Variants in TENM2 observed in about 807,000 individuals in gnomAD.
TENM2 encodes teneurin-2.
Under a neutral mutation model 245.2 loss-of-function variants are expected in TENM2, and 52 were observed. The observed-to-expected ratio is 0.21, with a 90% confidence interval of 0.17 to 0.27. The LOEUF (loss-of-function observed/expected upper bound fraction) is 0.27, where lower values mean the gene tolerates loss of function less well. TENM2 is among the 10% of genes least tolerant of loss of function. The probability of loss-of-function intolerance (pLI) is 1.00; values close to 1 mark genes in which losing one functional copy is unlikely to be tolerated. For missense variants in TENM2, 3,046 were observed against 3,666.8 expected (o/e 0.83, Z 4.37); for synonymous variants, 1,363 against 1,438.9 (o/e 0.95, Z 1.19).
intron 13 of TENM2, among the ~76,000 whole-genome samples, chr5:168,179,780 A>G (rs149555472): frequency 6.6e-6 from 1 of 152,222 alleles, no homozygotes; most frequent in African/African-American, 2.4e-5. Flanking sequence ...TCTCACCTGT[A>G]AATAATGATG....
At chr5:167,266,936 A>G in the TENM2 span, among the ~76,000 whole-genome samples, 1 of 152,168 alleles carries the variant, frequency 6.6e-6, no homozygotes, top group Non-Finnish European at 1.5e-5. Flanking sequence ...TGTGTGGGAC[A>G]CATGTCGTTC....
intron 9 of TENM2, among the ~76,000 whole-genome samples, chr5:168,107,745 CTT>C (rs1192320114): frequency 6.6e-6 from 1 of 152,206 alleles, no homozygotes; most frequent in Non-Finnish European, 1.5e-5. Context: ...GCTTCTTCCT[CTT>C]TGCTCAGGCT....
intron 25 of TENM2, among the ~76,000 whole-genome samples, chr5:168,241,477 G>A (rs574626241): frequency 1.3e-5 from 2 of 149,924 alleles, no homozygotes; most frequent in South Asian, 4.2e-4. Context: ...GGCCAGGCTG[G>A]TCTCAAACTC....
the TENM2 span, among the ~76,000 whole-genome samples, chr5:167,242,229 T>C: frequency 1.3e-5 from 2 of 151,986 alleles, no homozygotes; most frequent in African/African-American, 4.8e-5. Flanking sequence ...TTTGTATTTT[T>C]AGTAGAGATG....
the TENM2 span, among the ~76,000 whole-genome samples, chr5:167,262,890 G>T: frequency 1.3e-5 from 2 of 152,088 alleles, no homozygotes; most frequent in African/African-American, 2.4e-5. Flanking sequence ...AGTTCTAGGG[G>T]CTGAGAAGTC....
chr5:167,531,570 A>G (rs1166229919), intron 2 of TENM2, among the ~76,000 whole-genome samples: 2 of 151,958 alleles, frequency 1.3e-5, no homozygotes, highest in Admixed American at 6.6e-5. Flanking sequence ...CGTGCTGTAC[A>G]ATATATTTCC....
At chr5:167,084,336 T>TATAC in the TENM2 span, among the ~76,000 whole-genome samples, 1 of 75,338 alleles carries the variant, frequency 1.3e-5, no homozygotes, top group African/African-American at 5.8e-5. Flanking sequence ...GTTATATATA[T>TATAC]ATATATATAT....
intron 27 of TENM2, among the ~76,000 whole-genome samples, chr5:168,249,842 A>G (rs1464251039): frequency 1.3e-5 from 2 of 152,256 alleles, no homozygotes; most frequent in African/African-American, 4.8e-5. Context: ...CTGCGCACAG[A>G]GTGAGAACCC....
chr5:167,587,040 C>A (rs537811875), intron 2 of TENM2, among the ~76,000 whole-genome samples: 1 of 152,234 alleles, frequency 6.6e-6, no homozygotes, highest in African/African-American at 2.4e-5. Flanking sequence ...GCCTCTGAAT[C>A]CTATTACCAT....
intron 2 of TENM2, among the ~76,000 whole-genome samples, chr5:167,762,256 G>A (rs1762728272): frequency 6.6e-6 from 1 of 152,140 alleles, no homozygotes; most frequent in African/African-American, 2.4e-5. Context: ...GAGGACAAAA[G>A]ATCCCCTCCT....
intron 2 of TENM2, among the ~76,000 whole-genome samples, chr5:167,609,497 A>C (rs1777306127): frequency 7.1e-6 from 1 of 141,224 alleles, no homozygotes; most frequent in Non-Finnish European, 1.6e-5. Context: ...GCAAAAAAAA[A>C]AAAAAAAAAA....
the TENM2 span, among the ~76,000 whole-genome samples, chr5:167,020,980 C>T: frequency 6.6e-6 from 1 of 152,030 alleles, no homozygotes; most frequent in Non-Finnish European, 1.5e-5. Context: ...CCTGTCTCTA[C>T]TAAAATACAA....
chr5:168,015,432 C>T (rs1785573384), intron 5 of TENM2, among the ~76,000 whole-genome samples: 2 of 152,218 alleles, frequency 1.3e-5, no homozygotes, highest in South Asian at 4.1e-4. Context: ...AAACAATATG[C>T]TCTTTCCACA....
At chr5:168,120,360 T>C (rs1017197991) in intron 10 of TENM2, among the ~76,000 whole-genome samples, 25 of 152,188 alleles carry the variant, frequency 1.6e-4, no homozygotes, top group African/African-American at 6.0e-4. Flanking sequence ...TTCTTAAAGA[T>C]AAATGGATTG....
rs771985485 is a variant in TENM2 at position 168,247,327 on chromosome 5, G to A, written c.6388G>A (p.Gly2130Ser). The change falls in exon 27 of 29, where the codon GGT becomes AGT. Residue 2130 changes from glycine to serine, a missense_variant. Physicochemically the swap from Gly to Ser is moderately conservative, Grantham distance 56. Transcript: ENST00000518659. This position sits in a 1 kb window ranked among gnomAD's most constrained non-coding sequence, Gnocchi z 7.8. ...GATTTCTGGCAAGGTGGAACACTTT[G>A]GTAAGTTTGGAGTCATCTATTATGA... 3 of 1,613,944 alleles carry A rather than the reference G, an allele frequency of 1.9e-6. No individual in the cohort carries two copies. The highest frequency in any genetic ancestry group is 2.2e-5 in the South Asian group (2 of 91,080).
intron 19 of TENM2, among the ~76,000 whole-genome samples, chr5:168,210,023 C>T (rs1208101988): frequency 6.6e-6 from 1 of 152,170 alleles, no homozygotes; most frequent in Admixed American, 6.5e-5. Flanking sequence ...TGAAACACCA[C>T]TTTTTCCTCA....
intron 2 of TENM2, among the ~76,000 whole-genome samples, chr5:167,742,515 C>T (rs1761252545): frequency 6.6e-6 from 1 of 152,016 alleles, no homozygotes. Flanking sequence ...ATGTTAGCAG[C>T]TCCTATCAGA....
intron 2 of TENM2, among the ~76,000 whole-genome samples, chr5:167,623,056 C>T (rs1778274007): frequency 6.6e-6 from 1 of 152,174 alleles, no homozygotes; most frequent in South Asian, 2.1e-4. Flanking sequence ...GTTCCCTCAC[C>T]CCCAAATAAA....
intron 2 of TENM2, among the ~76,000 whole-genome samples, chr5:167,645,299 C>T (rs367878596): frequency 2.6e-5 from 4 of 151,996 alleles, no homozygotes; most frequent in African/African-American, 9.7e-5. Context: ...GACTCATGAC[C>T]GGGTGAAGGA....
Sources: allele counts gnomAD v4.1 joint callset (sites outside exome capture counted in the v4.1 genomes callset), GRCh38; gene constraint gnomAD v4.1.1; non-coding constraint Gnocchi (gnomAD v3.1); transcripts MANE v1.5; gene names NCBI Gene and HGNC (gene_info 2026-07-23, HGNC 2026-07-21).